SLC47A1: variants seen among roughly 807,000 people sequenced by gnomAD.
SLC47A1 encodes the protein multidrug and toxin extrusion protein 1.
Under a neutral mutation model 65.8 loss-of-function variants are expected in SLC47A1, and 58 were observed. That is an observed-to-expected ratio of 0.88 (90% CI 0.71 to 1.10). The LOEUF (loss-of-function observed/expected upper bound fraction) is 1.10. SLC47A1 is among the 50% of genes least tolerant of loss of function. The pLI is 0.00. For missense variants in SLC47A1, 706 were observed against 719.2 expected, an observed-to-expected ratio of 0.98 and a Z score of 0.21; for synonymous variants, 285 against 295.0, an observed-to-expected ratio of 0.97 and a Z score of 0.35.
chr17:19,565,660 G>A (rs546416663), intron 12 of SLC47A1, among the ~76,000 whole-genome samples: 2 of 145,202 alleles, frequency 1.4e-5, no homozygotes, highest in East Asian at 2.0e-4. Context: ...AGCTCACTGC[G>A]AGCTCTGCCT....
intron 4 of SLC47A1, among the ~76,000 whole-genome samples, chr17:19,549,403 T>C (rs574786768): frequency 8.5e-5 from 13 of 152,202 alleles, no homozygotes; most frequent in East Asian, 3.9e-4. Flanking sequence ...TTTACTATGT[T>C]AGCCAGGCTG....
intron 2 of SLC47A1, among the ~76,000 whole-genome samples, chr17:19,544,357 C>G (rs1471096260): frequency 6.6e-6 from 1 of 152,234 alleles, no homozygotes; most frequent in African/African-American, 2.4e-5. Flanking sequence ...ATGCACTTAG[C>G]AAGCCTCAGC....
chr17:19,564,090 T>C (rs1228067791), intron 12 of SLC47A1, among the ~76,000 whole-genome samples: 3 of 151,420 alleles, frequency 2.0e-5, no homozygotes, highest in Non-Finnish European at 2.9e-5. Flanking sequence ...CGGTGGCTCA[T>C]GCCTGTAATC....
chr17:19,566,010 C>T (rs2084354871), intron 12 of SLC47A1, among the ~76,000 whole-genome samples: 1 of 152,210 alleles, frequency 6.6e-6, no homozygotes, highest in Admixed American at 6.5e-5. Flanking sequence ...TGTCCAACAT[C>T]TCCACGCTGT....
chr17:19,556,046 C>A lies in SLC47A1; in HGVS notation c.905C>A (p.Ala302Asp). Residue 302 changes from alanine to aspartate, a missense_variant, in exon 10 of 17, where the codon GCC becomes GAC. Physicochemically the swap from Ala to Asp is moderately radical, Grantham distance 126 (BLOSUM62 -2). Transcript: ENST00000270570. ...GCTCAGTCCATCGTGTATGAACTGG[C>A]CATCATTGTGTACATGGTAAGCAGG... Reference protein sequence around the residue: ...LGAQSIVYELAIIVYMVPAGF... With the variant: ...LGAQSIVYELDIIVYMVPAGF... 3.1e-6 allele frequency: 5 copies of A among 1,614,018 alleles called. No individual in the cohort carries two copies. Among genetic ancestry groups the A allele is most frequent in the East Asian group, 2.2e-5 (1 of 44,886 alleles).
intron 16 of SLC47A1, among the ~76,000 whole-genome samples, chr17:19,576,198 C>T (rs2453599): frequency 0.22 from 32,888 of 149,878 alleles, 3,842 homozygotes; most frequent in African/African-American, 0.3. Flanking sequence ...TGTTGATCTC[C>T]AAAGAGTTTT....
At chr17:19,546,539 A>AAACATCT (rs1457101053) in intron 3 of SLC47A1, 36 bp downstream of exon 3, 1 of 1,597,896 alleles carries the variant, frequency 6.3e-7, no homozygotes. Flanking sequence ...CAGTGACCTC[A>AAACATCT]AACATCTTTT....
chr17:19,538,184 A>G (rs1436405325), intron 1 of SLC47A1, among the ~76,000 whole-genome samples: 2 of 152,250 alleles, frequency 1.3e-5, no homozygotes, highest in Non-Finnish European at 2.9e-5. Flanking sequence ...GTGCTGGCCA[A>G]TTATCTTCAG....
chr17:19,563,784 C>T (rs1019670095), intron 12 of SLC47A1, among the ~76,000 whole-genome samples: 1 of 147,778 alleles, frequency 6.8e-6, no homozygotes, highest in African/African-American at 2.5e-5. Context: ...GTCAGGAGAT[C>T]GAGACCATCC....
chr17:19,577,652 G>T lies in SLC47A1; in HGVS notation c.*99G>T. ...TTTACTGTGAGTTAATGTCATTCAG[G>T]TGTGCCCATGGATTTTGAGGGCTGG... On this transcript the variant is annotated 3_prime_UTR_variant, in exon 17 of 17. Transcript: ENST00000270570. 6.5e-7 allele frequency: 1 copy of T among 1,538,476 alleles called. No homozygotes were observed. Among genetic ancestry groups the T allele is most frequent in the South Asian group, 1.3e-5 (1 of 79,116 alleles).
rs537566224 is a variant in SLC47A1 at position 19,578,567 on chromosome 17, G to A, written c.*1014G>A. 1.2e-4 allele frequency: 19 copies of A among 157,288 alleles called. No individual in the cohort carries two copies. The South Asian group carries it at 3.7e-3, about 30-fold the overall frequency. 9.7% of individuals were successfully genotyped at this position (157,288 alleles called of 1,614,324 possible). On this transcript the variant is annotated 3_prime_UTR_variant, in exon 17 of 17. Coordinates refer to ENST00000270570, the MANE Select transcript of SLC47A1 (RefSeq NM_018242.3). ...CTTCATTAAGCCTTCCTGGGGTGCG[G>A]TACACACCGTTAATTCAGCAACCCT... is the stretch of plus-strand genomic sequence containing the variant.
intron 12 of SLC47A1, among the ~76,000 whole-genome samples, chr17:19,563,992 C>CA (rs58025430): frequency 1.6e-4 from 23 of 147,366 alleles, no homozygotes; most frequent in East Asian, 1.0e-3. Flanking sequence ...CCGTCTCAGA[C>CA]AAAAAAAAAA....
chr17:19,560,222 G>C lies in SLC47A1; in HGVS notation c.956G>C (p.Arg319Pro), dbSNP rs113126898. ...GGCTTCAGTGTGGCTGCCAGTGTCC[G>C]GGTAGGAAACGCTCTGGGTGCTGGA... ...PAGFSVAASV[R>P]VGNALGAGDM... Residue 319 changes from arginine (R) to proline (P), a missense_variant, in exon 11 of 17, where the codon CGG (arginine) becomes CCG (proline). Physicochemically the swap from Arg to Pro is moderately radical, Grantham distance 103. Transcript: ENST00000270570. 3.1e-6 allele frequency: 5 copies of C among 1,613,282 alleles called. No homozygotes were observed. The highest frequency in any genetic ancestry group is 4.2e-6 in the Non-Finnish European group (5 of 1,179,966).
chr17:19,547,537 T>TA (rs1026836297), intron 3 of SLC47A1, among the ~76,000 whole-genome samples: 4 of 151,000 alleles, frequency 2.6e-5, no homozygotes, highest in Non-Finnish European at 4.4e-5. Flanking sequence ...AATTTTTTTT[T>TA]AAAAAAAGGT....
rs144308134 is a variant in SLC47A1, at chr17:19,540,849, G to GACACACACACACACACAC, written c.136-1533_136-1516dup. Reference sequence around the variant, plus strand: ...CAAGAAAGATACTTCTCCTACAACAGACACACACACACACACACACACACA... The same window carrying GACACACACACACACACAC: ...CAAGAAAGATACTTCTCCTACAACAGACACACACACACACACACACACACACACACACACACACACACA... On this transcript the variant is annotated intron_variant, in intron 1 of 16. Coordinates refer to ENST00000270570, the MANE Select transcript of SLC47A1 (RefSeq NM_018242.3). Among the ~76,000 whole-genome samples the GACACACACACACACACAC allele has an allele frequency of 2.7e-3, 384 of 142,996 alleles. 1 individual carries two copies. The highest frequency in any genetic ancestry group is 0.022 in the East Asian group (101 of 4,668). 93.8% of individuals were successfully genotyped at this position (142,996 alleles called of 152,430 possible).
intron 16 of SLC47A1, among the ~76,000 whole-genome samples, chr17:19,573,959 A>G (rs1164570101): frequency 3.8e-5 from 5 of 133,288 alleles, no homozygotes; most frequent in East Asian, 2.2e-4. Flanking sequence ...GTCTCACCCT[A>G]TTGCCCAGGC....
At chr17:19,572,369 C>A (rs936247867) in intron 15 of SLC47A1, among the ~76,000 whole-genome samples, 1 of 152,022 alleles carries the variant, frequency 6.6e-6, no homozygotes, top group African/African-American at 2.4e-5. Context: ...TCACATCTCG[C>A]TGGAGTCTCA....
rs1277713906 is a variant in SLC47A1 at position 19,533,894 on chromosome 17, A to G, written c.-46A>G. On this transcript the variant is annotated 5_prime_UTR_variant, in exon 1 of 17. Transcript: ENST00000270570. ...GGTACTCACTGCCGGCCTCCGCGGT[A>G]CCCACTGCCGGCCTCCGCGCTACCC... 1.4e-6 allele frequency: 2 copies of G among 1,444,202 alleles called. No individual in the cohort carries two copies. Among genetic ancestry groups the G allele is most frequent in the Non-Finnish European group, 1.8e-6 (2 of 1,102,632 alleles). The allele number at this position is 1,444,202 out of a possible 1,614,324, so 89.5% of individuals were successfully genotyped here.
chr17:19,551,418 TTG>T lies in SLC47A1; in HGVS notation c.499-4_499-3del. The T allele has an allele frequency of 6.2e-7, 1 of 1,602,640 alleles. No individual in the cohort carries two copies. Among genetic ancestry groups the T allele is most frequent in the Non-Finnish European group, 8.6e-7 (1 of 1,169,536 alleles). ...ATTAACATTCATCTCTCTTGTTCTC[TTG>T]TAGGCAACCTTTCTTTATATGTTAC... is the stretch of plus-strand genomic sequence containing the variant. On this transcript the variant is annotated splice_polypyrimidine_tract_variant and splice_region_variant and intron_variant, in intron 5 of 16. Transcript: ENST00000270570.
Sources: gnomAD v4.1 joint callset for allele counts (sites outside exome capture counted in the v4.1 genomes callset) on GRCh38, gnomAD v4.1.1 for gene constraint, MANE v1.5 for transcripts, NCBI Gene and HGNC (gene_info 2026-07-23, HGNC 2026-07-21) for gene names.